Variants in PCED1B observed in about 807,000 individuals in gnomAD.
PCED1B encodes PC-esterase domain containing 1B.
For missense variants in PCED1B, 573 were observed against 573.9 expected, an observed-to-expected ratio of 1.00 and a Z score of 0.02; for synonymous variants, 251 against 246.1, an observed-to-expected ratio of 1.02 and a Z score of -0.19.
intron 2 of PCED1B, among the ~76,000 whole-genome samples, chr12:47,191,447 T>G (rs1942436069): frequency 6.6e-6 from 1 of 152,208 alleles, no homozygotes; most frequent in Admixed American, 6.5e-5. Context: ...CTCAAAAGAT[T>G]ATTTCTCCCA....
chr12:47,159,169 C>T (rs1301274432), intron 2 of PCED1B, among the ~76,000 whole-genome samples: 1 of 152,080 alleles, frequency 6.6e-6, no homozygotes, highest in Non-Finnish European at 1.5e-5. Flanking sequence ...AGGTTGATTC[C>T]ACATTCTTGC....
At chr12:47,157,168 A>G (rs1304866947) in intron 2 of PCED1B, among the ~76,000 whole-genome samples, 8 of 152,186 alleles carry the variant, frequency 5.3e-5, no homozygotes, top group African/African-American at 9.7e-5. Context: ...GTTTCTCTAT[A>G]TAATTTTTCC....
At chr12:47,194,812 G>A (rs1215946501) in intron 2 of PCED1B, among the ~76,000 whole-genome samples, 2 of 152,186 alleles carry the variant, frequency 1.3e-5, no homozygotes, top group Non-Finnish European at 2.9e-5. Context: ...GAAAGGTGCC[G>A]TGTGGCTAAA....
At chr12:47,222,688 T>A (rs1943520646) in intron 3 of PCED1B, among the ~76,000 whole-genome samples, 1 of 152,132 alleles carries the variant, frequency 6.6e-6, no homozygotes, top group African/African-American at 2.4e-5. Flanking sequence ...GTAATATTGT[T>A]CCCATTTTAT....
In PCED1B at chr12:47,236,342, C is replaced by A. The variant is rs746529376; in HGVS notation, c.1279C>A (p.Pro427Thr). ...TTCAAAGAGAAGGGCCCCAGCCAATCCTGAGCCAAGGCCTCAATAGACGGA... is the reference window on the plus strand; with the variant it reads ...TTCAAAGAGAAGGGCCCCAGCCAATACTGAGCCAAGGCCTCAATAGACGGA... ...RPSKRRAPANPEPRPQ is the reference protein window; with the variant it reads ...RPSKRRAPANTEPRPQ The change falls in exon 4 of 4, where the codon CCT becomes ACT. Residue 427 changes from proline (P) to threonine (T), a missense_variant. Physicochemically the swap from Pro to Thr is conservative, Grantham distance 38. Transcript: ENST00000546455. The A allele has an allele frequency of 1.2e-6, 2 of 1,604,660 alleles. No homozygotes were observed. Among genetic ancestry groups the A allele is most frequent in the Admixed American group, 3.4e-5 (2 of 58,068 alleles).
chr12:47,110,021 T>C (rs1939123130), intron 2 of PCED1B, among the ~76,000 whole-genome samples: 1 of 152,234 alleles, frequency 6.6e-6, no homozygotes, highest in South Asian at 2.1e-4. Flanking sequence ...TTCTACTTCA[T>C]GTTGCCACAC....
chr12:47,216,670 A>G lies in PCED1B; in HGVS notation c.-77A>G, dbSNP rs1016116141. On this transcript the variant is annotated 5_prime_UTR_variant, in exon 3 of 4. Coordinates refer to ENST00000546455, the MANE Select transcript of PCED1B (RefSeq NM_138371.3). ...AATCAACTGAGAGAGATGCTTAAAA[A>G]TCACCAGTTACTTTAATGAGTAAGT... 6.6e-6 allele frequency: 1 copy of G among 152,198 alleles called. No individual in the cohort carries two copies. The highest frequency in any genetic ancestry group is 2.4e-5 in the African/African-American group (1 of 41,448). 9.4% of individuals were successfully genotyped at this position (152,198 alleles called of 1,614,324 possible).
intron 2 of PCED1B, among the ~76,000 whole-genome samples, chr12:47,152,817 C>T (rs1255988233): frequency 3.9e-5 from 6 of 152,046 alleles, no homozygotes; most frequent in Non-Finnish European, 7.4e-5. Flanking sequence ...CACCTATAGT[C>T]CCAGCTACTT....
chr12:47,219,181 C>A (rs951986098), intron 3 of PCED1B, among the ~76,000 whole-genome samples: 3 of 152,038 alleles, frequency 2.0e-5, no homozygotes, highest in Admixed American at 2.0e-4. Context: ...CATAGAAACA[C>A]TATTACACAT....
intron 2 of PCED1B, among the ~76,000 whole-genome samples, chr12:47,189,501 A>G (rs1942378276): frequency 6.6e-6 from 1 of 152,364 alleles, no homozygotes; most frequent in Non-Finnish European, 1.5e-5. Context: ...AGGCCGCTAA[A>G]TAAATGAATG....
chr12:47,181,515 C>A (rs1275103573), intron 2 of PCED1B, among the ~76,000 whole-genome samples: 1 of 151,826 alleles, frequency 6.6e-6, no homozygotes, highest in Non-Finnish European at 1.5e-5. Flanking sequence ...AAGTGTGCAC[C>A]ACCATGCCTG....
At chr12:47,096,029 A>G (rs1366512389) in intron 1 of PCED1B, among the ~76,000 whole-genome samples, 1 of 152,086 alleles carries the variant, frequency 6.6e-6, no homozygotes, top group Non-Finnish European at 1.5e-5. Flanking sequence ...AAATGCTTAC[A>G]ATAATTGAGG....
intron 2 of PCED1B, among the ~76,000 whole-genome samples, chr12:47,107,223 GC>G: frequency 6.6e-6 from 1 of 152,128 alleles, no homozygotes; most frequent in Admixed American, 6.5e-5. Context: ...GAATGCCGGG[GC>G]CAAACACCGT....
At chr12:47,199,801 C>T (rs187493171) in intron 2 of PCED1B, among the ~76,000 whole-genome samples, 1 of 152,240 alleles carries the variant, frequency 6.6e-6, no homozygotes, top group African/African-American at 2.4e-5. Context: ...CTCTAGGTGA[C>T]CTTGTGTTTA....
At chr12:47,229,341 G>C (rs1943728637) in intron 3 of PCED1B, among the ~76,000 whole-genome samples, 1 of 151,520 alleles carries the variant, frequency 6.6e-6, no homozygotes, top group Non-Finnish European at 1.5e-5. Flanking sequence ...TTGAACCCAA[G>C]AGGCAGAGTT....
At chr12:47,174,123 A>ATATGGC (rs1941842717) in intron 2 of PCED1B, among the ~76,000 whole-genome samples, 1 of 152,078 alleles carries the variant, frequency 6.6e-6, no homozygotes, top group Non-Finnish European at 1.5e-5. Flanking sequence ...CTATAAAAAA[A>ATATGGC]TATGGCCGGC....
At chr12:47,217,953 C>T (rs188201097) in intron 3 of PCED1B, among the ~76,000 whole-genome samples, 345 of 152,224 alleles carry the variant, frequency 2.3e-3, no homozygotes, top group Non-Finnish European at 3.6e-3. Context: ...TAAATAATGC[C>T]ACTAAATAAT....
intron 3 of PCED1B, among the ~76,000 whole-genome samples, chr12:47,217,676 A>G (rs1452446795): frequency 6.6e-6 from 1 of 152,072 alleles, no homozygotes; most frequent in African/African-American, 2.4e-5. Context: ...TCCCAAGTTC[A>G]AGCAATTCTT....
chr12:47,133,856 C>T (rs756604414), intron 2 of PCED1B, among the ~76,000 whole-genome samples: 1 of 152,152 alleles, frequency 6.6e-6, no homozygotes, highest in Non-Finnish European at 1.5e-5. Context: ...GTGATTTAGG[C>T]TCTAGCCTCA....
Sources: allele counts gnomAD v4.1 joint callset (sites outside exome capture counted in the v4.1 genomes callset), GRCh38; gene constraint gnomAD v4.1.1; transcripts MANE v1.5; gene names NCBI Gene and HGNC (gene_info 2026-07-23, HGNC 2026-07-21).